Variants in ERC2 observed in about 807,000 individuals in gnomAD.
ERC2 encodes ERC protein 2.
Under a neutral mutation model 114.8 loss-of-function variants are expected in ERC2, and 42 were observed. The ratio of observed to expected loss-of-function variants is 0.37; its 90% CI spans 0.29 to 0.47. The LOEUF (loss-of-function observed/expected upper bound fraction) is 0.47, where lower values mean the gene tolerates loss of function less well. Among genes scored for constraint, ERC2 ranks in the 20% least tolerant of loss-of-function variants. ERC2 has a pLI of 0.99. For synonymous variants in ERC2, 454 were observed against 425.5 expected (o/e 1.07, Z -0.82); for missense variants, 939 against 1,150.7 (o/e 0.82, Z 2.66).
intron 17 of ERC2, among the ~76,000 whole-genome samples, chr3:55,524,919 T>G (rs72868674): frequency 0.033 from 5,053 of 152,188 alleles, 172 homozygotes; most frequent in African/African-American, 0.091. Context: ...CCTTCCACCT[T>G]TATAGAGAAA....
intron 2 of ERC2, among the ~76,000 whole-genome samples, chr3:56,356,477 T>C (rs1365071812): frequency 6.6e-6 from 1 of 152,228 alleles, no homozygotes; most frequent in Non-Finnish European, 1.5e-5. Flanking sequence ...GTAGTTGGCA[T>C]CTGACTATAC....
chr3:55,943,996 AT>A (rs1446602422), intron 13 of ERC2, among the ~76,000 whole-genome samples: 1 of 152,166 alleles, frequency 6.6e-6, no homozygotes, highest in African/African-American at 2.4e-5. Flanking sequence ...ATTTTCCCTT[AT>A]TGATTTCTAT....
At chr3:56,058,793 A>G (rs553703150) in intron 7 of ERC2, among the ~76,000 whole-genome samples, 1 of 152,334 alleles carries the variant, frequency 6.6e-6, no homozygotes, top group East Asian at 1.9e-4. Context: ...AGCCTCTCCC[A>G]TTAGATTCTG....
chr3:55,736,936 A>G (rs1247657389), intron 14 of ERC2, among the ~76,000 whole-genome samples: 1 of 152,078 alleles, frequency 6.6e-6, no homozygotes, highest in African/African-American at 2.4e-5. Flanking sequence ...CTTCCTTTCC[A>G]CTGGGAAAGT....
At chr3:56,062,092 A>G (rs1287911319) in intron 7 of ERC2, among the ~76,000 whole-genome samples, 1 of 152,212 alleles carries the variant, frequency 6.6e-6, no homozygotes, top group East Asian at 1.9e-4. Context: ...TAACTATTTT[A>G]TATAGATTCA....
At chr3:56,348,868 A>AAAGGAAGGAAGGAAGGAAGGAAGGAAAG (rs2058416004) in intron 2 of ERC2, among the ~76,000 whole-genome samples, 13 of 114,036 alleles carry the variant, frequency 1.1e-4, no homozygotes, top group African/African-American at 4.6e-4. Flanking sequence ...AAAATGAAAG[A>AAAGGAAGGAAGGAAGGAAGGAAGGAAAG]AAGGAAGGAA....
intron 1 of ERC2, among the ~76,000 whole-genome samples, chr3:56,451,527 A>G (rs6807697): frequency 0.98 from 149,807 of 152,280 alleles, 73,722 homozygotes; most frequent in Middle Eastern, 1. Flanking sequence ...GATAACCATG[A>G]AAGAGTCACA....
intron 17 of ERC2, among the ~76,000 whole-genome samples, chr3:55,618,753 A>G (rs1208718742): frequency 6.6e-6 from 1 of 152,170 alleles, no homozygotes; most frequent in Non-Finnish European, 1.5e-5. Flanking sequence ...TGAAATGTTT[A>G]ATGAGAAAAA....
At chr3:56,377,707 G>A (rs1397570618) in intron 2 of ERC2, among the ~76,000 whole-genome samples, 2 of 152,124 alleles carry the variant, frequency 1.3e-5, no homozygotes. Flanking sequence ...CGGTAGCACA[G>A]CTCTCACCAA....
At chr3:55,724,058 A>G (rs1299434516) in intron 15 of ERC2, among the ~76,000 whole-genome samples, 1 of 152,224 alleles carries the variant, frequency 6.6e-6, no homozygotes, top group East Asian at 1.9e-4. Flanking sequence ...TGAAAAAGAA[A>G]ATGTAAAACT....
intron 17 of ERC2, among the ~76,000 whole-genome samples, chr3:55,642,258 GTC>G (rs1335406969): frequency 5.9e-5 from 9 of 151,868 alleles, no homozygotes; most frequent in Non-Finnish European, 1.5e-5. Context: ...GCTAAGTTCA[GTC>G]TCTCTGCACA....
intron 3 of ERC2, among the ~76,000 whole-genome samples, chr3:56,273,601 C>G (rs2053803499): frequency 1.6e-5 from 2 of 128,996 alleles, no homozygotes; most frequent in African/African-American, 5.4e-5. Flanking sequence ...ATCAAACAAA[C>G]TGTATTTTTT....
chr3:55,582,441 GTC>G (rs1481587310), intron 17 of ERC2, among the ~76,000 whole-genome samples: 1 of 152,182 alleles, frequency 6.6e-6, no homozygotes, highest in African/African-American at 2.4e-5. Context: ...CTATGAAGTG[GTC>G]TACCACACTC....
At chr3:56,366,458 C>T (rs991865183) in intron 2 of ERC2, among the ~76,000 whole-genome samples, 3 of 152,182 alleles carry the variant, frequency 2.0e-5, no homozygotes, top group African/African-American at 7.2e-5. Flanking sequence ...AGGAGTGGCA[C>T]CCATGAGGCC....
At chr3:56,194,842 C>G (rs989052043) in intron 3 of ERC2, among the ~76,000 whole-genome samples, 5 of 151,816 alleles carry the variant, frequency 3.3e-5, no homozygotes, top group Admixed American at 3.3e-4. Flanking sequence ...TACCTCTAAT[C>G]CCACTGTGAG....
intron 13 of ERC2, among the ~76,000 whole-genome samples, chr3:55,924,423 A>G (rs946651803): frequency 1.3e-5 from 2 of 152,174 alleles, no homozygotes; most frequent in African/African-American, 4.8e-5. Flanking sequence ...CCCACAGACC[A>G]TAGTTGGCCA....
chr3:56,225,834 C>T (rs1055342107), intron 3 of ERC2, among the ~76,000 whole-genome samples: 4 of 152,112 alleles, frequency 2.6e-5, no homozygotes, highest in African/African-American at 9.7e-5. Context: ...GGATGTCATC[C>T]TATTGATGCT....
At chr3:55,701,703 T>C (rs995472917) in intron 15 of ERC2, among the ~76,000 whole-genome samples, 2 of 152,206 alleles carry the variant, frequency 1.3e-5, no homozygotes, top group Non-Finnish European at 2.9e-5. Flanking sequence ...GGGCAAGTTA[T>C]GCCTTGTGAG....
intron 17 of ERC2, among the ~76,000 whole-genome samples, chr3:55,543,420 T>C (rs528928622): frequency 1.4e-4 from 22 of 152,312 alleles, no homozygotes; most frequent in Admixed American, 2.6e-4. Flanking sequence ...GTGGGGGATG[T>C]TCTCATAAAG....
Sources: gnomAD v4.1 joint callset for allele counts (sites outside exome capture counted in the v4.1 genomes callset) on GRCh38, gnomAD v4.1.1 for gene constraint, MANE v1.5 for transcripts, NCBI Gene and HGNC (gene_info 2026-07-23, HGNC 2026-07-21) for gene names.